The following TTC28 variants were observed in gnomAD, a reference collection of about 807,000 sequenced individuals.
TTC28 encodes the protein tetratricopeptide repeat domain 28, also known as tetratricopeptide repeat protein 28.
Under a neutral mutation model 198.0 loss-of-function variants are expected in TTC28, and 61 were observed. The ratio of observed to expected loss-of-function variants is 0.31; its 90% CI spans 0.25 to 0.38. The LOEUF is 0.38. Ranked by LOEUF, TTC28 falls within the 10% of genes least tolerant of loss-of-function variation. The probability of loss-of-function intolerance (pLI) is 1.00; values close to 1 mark genes in which losing one functional copy is unlikely to be tolerated. For missense variants in TTC28, 2,678 were observed against 3,164.0 expected, an observed-to-expected ratio of 0.85 and a Z score of 3.69; for synonymous variants, 1,171 against 1,297.8, an observed-to-expected ratio of 0.90 and a Z score of 2.10.
chr22:28,445,861 T>TAC (rs111302565), intron 2 of TTC28, among the ~76,000 whole-genome samples: 9,492 of 146,734 alleles, frequency 0.065, 467 homozygotes, highest in African/African-American at 0.15. Context: ...TACATATCTA[T>TAC]ACACACACAC....
At chr22:28,575,012 G>A (rs1255520561) in intron 2 of TTC28, among the ~76,000 whole-genome samples, 1 of 152,104 alleles carries the variant, frequency 6.6e-6, no homozygotes, top group Admixed American at 6.6e-5. Flanking sequence ...CCTTTGCTGT[G>A]CAGAAGCTTT....
intron 2 of TTC28, among the ~76,000 whole-genome samples, chr22:28,392,353 G>A (rs927574442): frequency 4.6e-5 from 7 of 152,234 alleles, no homozygotes; most frequent in African/African-American, 1.7e-4. Context: ...GCCTCCTTGA[G>A]TTGTGGTGGG....
intron 5 of TTC28, among the ~76,000 whole-genome samples, chr22:28,193,451 G>A (rs536470583): frequency 7.2e-5 from 11 of 152,160 alleles, no homozygotes; most frequent in Non-Finnish European, 1.2e-4. Context: ...AACCTTAAAT[G>A]TAAATGGGCT....
At chr22:28,110,136 C>T (rs1013579321) in intron 6 of TTC28, among the ~76,000 whole-genome samples, 7 of 152,168 alleles carry the variant, frequency 4.6e-5, no homozygotes, top group African/African-American at 1.7e-4. Context: ...AGGCTGAAGT[C>T]AGGGCAGGGC....
intron 6 of TTC28, among the ~76,000 whole-genome samples, chr22:28,119,498 C>G (rs1180958712): frequency 6.6e-6 from 1 of 152,194 alleles, no homozygotes. Flanking sequence ...TATATCAAAG[C>G]TCTGCTTACG....
At chr22:28,513,628 A>G (rs1349508216) in intron 2 of TTC28, among the ~76,000 whole-genome samples, 1 of 152,180 alleles carries the variant, frequency 6.6e-6, no homozygotes, top group East Asian at 1.9e-4. Context: ...TGTTTAATTA[A>G]AAAATTCATT....
intron 2 of TTC28, among the ~76,000 whole-genome samples, chr22:28,470,852 C>A (rs990459221): frequency 6.6e-6 from 1 of 152,010 alleles, no homozygotes; most frequent in Non-Finnish European, 1.5e-5. Context: ...GAAGTGAGTA[C>A]TAAGAGAAGG....
chr22:28,644,819 T>C (rs1219469990), intron 1 of TTC28, among the ~76,000 whole-genome samples: 2 of 151,972 alleles, frequency 1.3e-5, no homozygotes, highest in African/African-American at 4.8e-5. Flanking sequence ...TGAGAACCTG[T>C]CTCAAAAATT....
At chr22:28,402,621 T>C (rs372584930) in intron 2 of TTC28, among the ~76,000 whole-genome samples, 7 of 152,232 alleles carry the variant, frequency 4.6e-5, no homozygotes, top group East Asian at 1.9e-4. Context: ...AGCACATCTA[T>C]GTCAGACAGA....
At chr22:28,376,701 AGTTG>A (rs1432392289) in intron 2 of TTC28, among the ~76,000 whole-genome samples, 1 of 152,164 alleles carries the variant, frequency 6.6e-6, no homozygotes, top group Non-Finnish European at 1.5e-5. Context: ...CACTGGTCTT[AGTTG>A]GGAAGGCAGA....
intron 5 of TTC28, among the ~76,000 whole-genome samples, chr22:28,181,775 AT>A (rs937692936): frequency 3.9e-5 from 6 of 152,160 alleles, no homozygotes; most frequent in African/African-American, 1.4e-4. Context: ...CATGCTATCT[AT>A]TTAGGAAGAC....
At chr22:28,413,167 G>A (rs920337188) in intron 2 of TTC28, among the ~76,000 whole-genome samples, 21 of 152,174 alleles carry the variant, frequency 1.4e-4, no homozygotes, top group Non-Finnish European at 1.0e-4. Flanking sequence ...CGGGCGCGGT[G>A]CCTCACGCCT....
At chr22:28,602,243 G>A (rs2050651346) in intron 2 of TTC28, among the ~76,000 whole-genome samples, 1 of 152,090 alleles carries the variant, frequency 6.6e-6, no homozygotes, top group Non-Finnish European at 1.5e-5. Context: ...CCTGTAATGT[G>A]GGCACCTGGT....
intron 2 of TTC28, among the ~76,000 whole-genome samples, chr22:28,515,396 A>G (rs1456412563): frequency 6.6e-6 from 1 of 152,208 alleles, no homozygotes; most frequent in African/African-American, 2.4e-5. Context: ...TACTCACATC[A>G]AATTATTTTT....
intron 1 of TTC28, among the ~76,000 whole-genome samples, chr22:28,644,076 T>A (rs1047068628): frequency 6.6e-6 from 1 of 152,166 alleles, no homozygotes; most frequent in South Asian, 2.1e-4. Context: ...ATTTTATACT[T>A]TTCAGAATTA....
intron 6 of TTC28, among the ~76,000 whole-genome samples, chr22:28,154,235 G>A (rs541449601): frequency 8.5e-5 from 13 of 152,120 alleles, no homozygotes; most frequent in African/African-American, 3.1e-4. Context: ...AAATTAGAAT[G>A]AGAAAGAAGG....
At chr22:28,137,664 T>C (rs1400261550) in intron 6 of TTC28, among the ~76,000 whole-genome samples, 2 of 152,076 alleles carry the variant, frequency 1.3e-5, no homozygotes, top group Non-Finnish European at 2.9e-5. Flanking sequence ...GTCCTTGTTA[T>C]GACCTTGCCT....
intron 2 of TTC28, among the ~76,000 whole-genome samples, chr22:28,552,686 A>T (rs904419662): frequency 3.5e-4 from 54 of 152,148 alleles, no homozygotes; most frequent in Non-Finnish European, 7.5e-4. Flanking sequence ...AGGTAGAAGA[A>T]TGAAACTGGA....
In TTC28 at chr22:28,306,378, T is replaced by A. The variant is rs558886530; in HGVS notation, c.529+118A>T. On this transcript the variant is annotated intron_variant, in intron 3 of 22. Transcript: ENST00000397906. Reference sequence around the variant, plus strand: ...TCTTGATCTTCCTTGGTCTAAAATATCAAATCTTAGCAAATTTGATAACCT... The same window carrying A: ...TCTTGATCTTCCTTGGTCTAAAATAACAAATCTTAGCAAATTTGATAACCT... The A allele has an allele frequency of 1.4e-5, 18 of 1,246,084 alleles. No homozygotes were observed. In the South Asian group the frequency reaches 2.5e-4, roughly 17 times the overall value. The allele number at this position is 1,246,084 out of a possible 1,614,324, so 77.2% of individuals were successfully genotyped here.
Sources: allele counts gnomAD v4.1 joint callset (sites outside exome capture counted in the v4.1 genomes callset), GRCh38; gene constraint gnomAD v4.1.1; transcripts MANE v1.5; gene names NCBI Gene and HGNC (gene_info 2026-07-23, HGNC 2026-07-21).